Variants in DGKG observed in about 807,000 individuals in gnomAD.
DGKG encodes diacylglycerol kinase gamma.
Under a neutral mutation model 105.3 loss-of-function variants are expected in DGKG, and 78 were observed. That is an observed-to-expected ratio of 0.74 (90% CI 0.62 to 0.89). The LOEUF (loss-of-function observed/expected upper bound fraction) is 0.89. Ranked by LOEUF, DGKG falls within the 40% of genes least tolerant of loss-of-function variation. The probability of loss-of-function intolerance (pLI) is 0.00; values close to 1 mark genes in which losing one functional copy is unlikely to be tolerated. For synonymous variants in DGKG, 346 were observed against 367.1 expected, an observed-to-expected ratio of 0.94 and a Z score of 0.66; for missense variants, 958 against 1,020.1, an observed-to-expected ratio of 0.94 and a Z score of 0.83.
intron 1 of DGKG, among the ~76,000 whole-genome samples, chr3:186,345,806 G>C (rs1306473538): frequency 6.6e-6 from 1 of 152,180 alleles, no homozygotes; most frequent in Non-Finnish European, 1.5e-5. Context: ...GTCTCGCTCT[G>C]TCGCCCAGGC....
rs1726845432 is a variant in DGKG, at chr3:186,355,133, C to T, written c.-249+6813G>A. Among the ~76,000 whole-genome samples the T allele has an allele frequency of 2.6e-5, 4 of 151,582 alleles. No individual in the cohort carries two copies. In the South Asian group the frequency reaches 6.2e-4, roughly 24 times the overall value. On this transcript the variant is annotated intron_variant, in intron 1 of 24. Transcript: ENST00000265022. ...CACTACTATCTCCATCATCACCCTG[C>T]CCCCAACCACCATTATCATTATCAC...
chr3:186,258,047 C>T (rs1436650485), intron 16 of DGKG, 108 bp from the exon 17 acceptor site: 6 of 807,924 alleles, frequency 7.4e-6, no homozygotes, highest in Middle Eastern at 2.3e-4. Context: ...GTTAAGACCT[C>T]GATTCCTTTT....
At position 186,214,347 on chromosome 3, in the gene DGKG, A is replaced by G. The variant is rs115901724; in HGVS notation, c.1827-2462T>C. Among the ~76,000 whole-genome samples, 973 of 152,346 alleles carry G rather than the reference A, an allele frequency of 6.4e-3. 14 individuals carry two copies. The highest frequency in any genetic ancestry group is 0.022 in the African/African-American group (907 of 41,590). On this transcript the variant is annotated intron_variant, in intron 20 of 24. Transcript: ENST00000265022. ...AGGTAGTTGAAAAGTTAAATGAGAT[A>G]ACAGCAAAGCACTTCACATAGGATT... is the stretch of plus-strand genomic sequence containing the variant.
At chr3:186,222,488 T>G (rs1450203285) in intron 20 of DGKG, among the ~76,000 whole-genome samples, 1 of 152,228 alleles carries the variant, frequency 6.6e-6, no homozygotes, top group Non-Finnish European at 1.5e-5. Flanking sequence ...TTAGTTTCTC[T>G]ATTTTTGAAT....
At chr3:186,169,213 G>T (rs1716700857) in intron 22 of DGKG, among the ~76,000 whole-genome samples, 1 of 152,108 alleles carries the variant, frequency 6.6e-6, no homozygotes, top group Non-Finnish European at 1.5e-5. Context: ...ATTAAATATT[G>T]TTTATGTTAA....
At chr3:186,248,705 G>C (rs1343041009) in intron 19 of DGKG, among the ~76,000 whole-genome samples, 1 of 152,142 alleles carries the variant, frequency 6.6e-6, no homozygotes, top group Non-Finnish European at 1.5e-5. Flanking sequence ...GTTACATTTG[G>C]CAACATGAAG....
At chr3:186,177,709 G>A (rs528119049) in intron 22 of DGKG, among the ~76,000 whole-genome samples, 11 of 152,172 alleles carry the variant, frequency 7.2e-5, no homozygotes, top group East Asian at 1.9e-4. Context: ...AGGCTCTATC[G>A]TGTGTTATCT....
At chr3:186,263,573 ACAAGCAAG>A (rs60417496) in intron 14 of DGKG, among the ~76,000 whole-genome samples, 156 of 151,258 alleles carry the variant, frequency 1.0e-3, no homozygotes, top group South Asian at 5.4e-3. Flanking sequence ...ATCTCAAAAA[ACAAGCAAG>A]CAAGCAAGCA....
At chr3:186,237,086 C>A (rs1272009135) in intron 20 of DGKG, among the ~76,000 whole-genome samples, 3 of 152,202 alleles carry the variant, frequency 2.0e-5, no homozygotes, top group Non-Finnish European at 2.9e-5. Flanking sequence ...GGATTCTTGG[C>A]TCCTCTGCTA....
At chr3:186,248,272 G>C (rs1277573471) in intron 19 of DGKG, among the ~76,000 whole-genome samples, 1 of 152,214 alleles carries the variant, frequency 6.6e-6, no homozygotes, top group Non-Finnish European at 1.5e-5. Context: ...AAGAGGTGGG[G>C]CTGAAGCTTC....
At chr3:186,198,606 C>T (rs1023430717) in intron 21 of DGKG, among the ~76,000 whole-genome samples, 2 of 152,174 alleles carry the variant, frequency 1.3e-5, no homozygotes, top group African/African-American at 4.8e-5. Flanking sequence ...TATTGTGTTC[C>T]ATGGTGGTGT....
intron 1 of DGKG, among the ~76,000 whole-genome samples, chr3:186,353,569 A>G (rs773826419): frequency 1.2e-3 from 115 of 96,070 alleles, no homozygotes; most frequent in African/African-American, 4.5e-3. Context: ...ATGTATGTAT[A>G]TATATATATA....
At chr3:186,248,990 T>C (rs1415586928) in intron 19 of DGKG, among the ~76,000 whole-genome samples, 1 of 152,218 alleles carries the variant, frequency 6.6e-6, no homozygotes, top group Admixed American at 6.5e-5. Flanking sequence ...TTTTTAACTG[T>C]AATGATGGGA....
chr3:186,237,219 T>C (rs985861602), intron 20 of DGKG, among the ~76,000 whole-genome samples: 1 of 152,098 alleles, frequency 6.6e-6, no homozygotes, highest in African/African-American at 2.4e-5. Flanking sequence ...CTGGCAAAAG[T>C]GTCTTCTTTT....
intron 5 of DGKG, among the ~76,000 whole-genome samples, chr3:186,289,278 C>A (rs1723212508): frequency 6.6e-6 from 1 of 152,136 alleles, no homozygotes; most frequent in Non-Finnish European, 1.5e-5. Context: ...ACAGTCATTT[C>A]TCAATAGACC....
chr3:186,188,788 A>G (rs1462792560), intron 21 of DGKG, among the ~76,000 whole-genome samples: 1 of 152,138 alleles, frequency 6.6e-6, no homozygotes, highest in Non-Finnish European at 1.5e-5. Flanking sequence ...AAAATTCAGA[A>G]CATAACAAAT....
intron 24 of DGKG, among the ~76,000 whole-genome samples, chr3:186,153,674 C>T (rs1715881544): frequency 6.6e-6 from 1 of 152,202 alleles, no homozygotes; most frequent in African/African-American, 2.4e-5. Flanking sequence ...CAAACCAACA[C>T]ATTCTTATTA....
intron 19 of DGKG, among the ~76,000 whole-genome samples, chr3:186,244,149 C>G (rs1168944655): frequency 6.6e-6 from 1 of 151,932 alleles, no homozygotes; most frequent in Non-Finnish European, 1.5e-5. Flanking sequence ...CTCGGCCTCC[C>G]AAAGTACTGG....
chr3:186,193,838 C>T (rs546332353), intron 21 of DGKG, among the ~76,000 whole-genome samples: 1 of 152,372 alleles, frequency 6.6e-6, no homozygotes, highest in Admixed American at 6.5e-5. Context: ...TGTGGCGGTC[C>T]CCGCGCGCAC....
Sources: allele counts gnomAD v4.1 joint callset (sites outside exome capture counted in the v4.1 genomes callset), GRCh38; gene constraint gnomAD v4.1.1; transcripts MANE v1.5; gene names NCBI Gene and HGNC (gene_info 2026-07-23, HGNC 2026-07-21).